The following DIP2B variants were observed in gnomAD, a reference collection of about 807,000 sequenced individuals.
DIP2B encodes DIP2 acetate--CoA ligase B (putative).
DIP2B carries 76 observed loss-of-function variants against 198.0 expected under a neutral mutation model. The observed-to-expected ratio is 0.38, with a 90% CI of 0.32 to 0.46. The LOEUF (loss-of-function observed/expected upper bound fraction) is 0.46. Ranked by LOEUF, DIP2B falls within the 20% of genes least tolerant of loss-of-function variation. The pLI is 0.99. For synonymous variants in DIP2B, 701 were observed against 739.1 expected, an observed-to-expected ratio of 0.95 and a Z score of 0.84; for missense variants, 1,559 against 1,978.4, an observed-to-expected ratio of 0.79 and a Z score of 4.02.
intron 30 of DIP2B, among the ~76,000 whole-genome samples, chr12:50,730,370 TTC>T (rs752705883): frequency 5.3e-5 from 6 of 113,998 alleles, no homozygotes; most frequent in African/African-American, 1.0e-4. Flanking sequence ...GTTTCTTTCT[TTC>T]TCTCTCTCTC....
intron 1 of DIP2B, among the ~76,000 whole-genome samples, chr12:50,553,135 C>T (rs1292194975): frequency 6.6e-6 from 1 of 152,216 alleles, no homozygotes; most frequent in East Asian, 1.9e-4. Flanking sequence ...TGCACCCGGC[C>T]TGAGTTAGTT....
At chr12:50,690,396 T>A (rs115446821) in intron 12 of DIP2B, among the ~76,000 whole-genome samples, 2,067 of 152,216 alleles carry the variant, frequency 0.014, 42 homozygotes, top group African/African-American at 0.046. Flanking sequence ...AAAATTTTTT[T>A]AAAGTTGAAC....
intron 37 of DIP2B, among the ~76,000 whole-genome samples, chr12:50,743,219 A>G (rs1297470535): frequency 6.6e-6 from 1 of 152,008 alleles, no homozygotes; most frequent in East Asian, 1.9e-4. Flanking sequence ...GGTAGCTGGG[A>G]CTACAGGCAC....
At chr12:50,565,260 G>A (rs1468450164) in intron 1 of DIP2B, among the ~76,000 whole-genome samples, 1 of 151,696 alleles carries the variant, frequency 6.6e-6, no homozygotes, top group East Asian at 1.9e-4. Flanking sequence ...GCCTCCCAAA[G>A]TGCTGGGATT....
Position 50,721,404 on chromosome 12 carries a change from T to C in DIP2B, c.3166+8T>C. ...TGTTGCTCTATCCACCTGGTAAGCA[T>C]TGGATTGGCAGACTAGAGTTTAAGC... On this transcript the variant is annotated splice_region_variant and intron_variant, in intron 26 of 37. Transcript: ENST00000301180. The C allele has an allele frequency of 1.2e-6, 2 of 1,613,822 alleles. No individual in the cohort carries two copies. The highest frequency in any genetic ancestry group is 8.5e-7 in the Non-Finnish European group (1 of 1,179,846).
At chr12:50,731,833 CT>C (rs905934892) in intron 31 of DIP2B, among the ~76,000 whole-genome samples, 23 of 152,154 alleles carry the variant, frequency 1.5e-4, no homozygotes, top group Admixed American at 5.2e-4. Context: ...GCTTCCAATA[CT>C]TTTTTTTCCT....
intron 1 of DIP2B, among the ~76,000 whole-genome samples, chr12:50,548,332 A>G (rs1350658024): frequency 6.6e-6 from 1 of 152,162 alleles, no homozygotes; most frequent in Non-Finnish European, 1.5e-5. Context: ...ATAAGGATCC[A>G]GCTAGCTACT....
intron 1 of DIP2B, among the ~76,000 whole-genome samples, chr12:50,579,399 G>A (rs1354614076): frequency 6.6e-6 from 1 of 151,392 alleles, no homozygotes; most frequent in Non-Finnish European, 1.5e-5. Flanking sequence ...GATCACTTGA[G>A]CCCAGGAGTT....
chr12:50,716,589 C>T (rs571775936), intron 23 of DIP2B, among the ~76,000 whole-genome samples: 66 of 152,312 alleles, frequency 4.3e-4, no homozygotes, highest in Admixed American at 1.4e-3. Context: ...ATTTTCCTTA[C>T]ACCCTTTACC....
At position 50,744,705 on chromosome 12, in the gene DIP2B, A is replaced by G. The variant is rs372839839; in HGVS notation, c.4597A>G (p.Ile1533Val). 1.7e-5 allele frequency: 28 copies of G among 1,614,136 alleles called. No individual in the cohort carries two copies. The highest frequency in any genetic ancestry group is 8.9e-5 in the East Asian group (4 of 44,888). The change falls in exon 38 of 38, where the codon ATC becomes GTC. Residue 1533 changes from isoleucine (I) to valine (V), a missense_variant. Physicochemically the swap from Ile to Val is conservative, Grantham distance 29. Transcript: ENST00000301180. ...CGTGGTCCTGGAAGAGCATTACCTC[A>G]TCGTTGGCGTCGTGGTTGTGGTGGA... is the stretch of plus-strand genomic sequence containing the variant. Reference protein sequence around the residue: ...TNVVLEEHYLIVGVVVVVDPG... With the variant: ...TNVVLEEHYLVVGVVVVVDPG...
intron 4 of DIP2B, among the ~76,000 whole-genome samples, chr12:50,661,632 A>G (rs1938649604): frequency 6.6e-6 from 1 of 152,136 alleles, no homozygotes. Context: ...CCTCAAACCT[A>G]CTCATTGAAA....
At chr12:50,520,305 G>A (rs1419021870) in intron 1 of DIP2B, among the ~76,000 whole-genome samples, 2 of 151,764 alleles carry the variant, frequency 1.3e-5, no homozygotes, top group African/African-American at 4.8e-5. Flanking sequence ...CAAAGTGCGG[G>A]GACTACAGGC....
chr12:50,671,264 A>T lies in DIP2B; in HGVS notation c.506A>T (p.Gln169Leu). The T allele has an allele frequency of 6.2e-7, 1 of 1,614,202 alleles. No homozygotes were observed. The highest frequency in any genetic ancestry group is 8.5e-7 in the Non-Finnish European group (1 of 1,180,032). Residue 169 changes from glutamine (Q) to leucine (L), a missense_variant, in exon 5 of 38, where the codon CAG becomes CTG. Gln to Leu is a moderately radical substitution (Grantham distance 113). Coordinates refer to ENST00000301180, the MANE Select transcript of DIP2B (RefSeq NM_173602.3). Reference protein sequence around the residue: ...ALSAALQQSLQNAESWINRSI... With the variant: ...ALSAALQQSLLNAESWINRSI... ...TCTGCTGCCTTGCAACAGAGCTTAC[A>T]GAATGCTGAGTCCTGGATCAACCGT...
chr12:50,528,230 C>CTT (rs954160858), intron 1 of DIP2B, among the ~76,000 whole-genome samples: 3 of 140,416 alleles, frequency 2.1e-5, no homozygotes, highest in Non-Finnish European at 4.7e-5. Flanking sequence ...CCTGACCCTT[C>CTT]TTTTTTTTTT....
chr12:50,683,191 T>C lies in DIP2B; in HGVS notation c.1260T>C (p.Tyr420=). Reference sequence around the variant, plus strand: ...CAGTCATGTTTATGGTGGCTTTCTATGGATGCCTCCTGGCAGAAGTGATTC... The same window carrying C: ...CAGTCATGTTTATGGTGGCTTTCTACGGATGCCTCCTGGCAGAAGTGATTC... The part of the protein sequence containing the change: ...NDPVMFMVAF[Y]GCLLAEVIPV... The change falls in exon 10 of 38, where the codon TAT becomes TAC. Residue 420 remains tyrosine, a synonymous_variant. Transcript: ENST00000301180. The C allele has an allele frequency of 6.2e-7, 1 of 1,613,282 alleles. No individual in the cohort carries two copies. Among genetic ancestry groups the C allele is most frequent in the Non-Finnish European group, 8.5e-7 (1 of 1,179,786 alleles).
chr12:50,699,702 A>C (rs1939382945), intron 19 of DIP2B, among the ~76,000 whole-genome samples: 1 of 151,982 alleles, frequency 6.6e-6, no homozygotes, highest in South Asian at 2.1e-4. Context: ...CTCTACCAAA[A>C]AATTGAAAAA....
At chr12:50,626,347 C>T (rs1937935202) in intron 2 of DIP2B, among the ~76,000 whole-genome samples, 1 of 152,030 alleles carries the variant, frequency 6.6e-6, no homozygotes, top group African/African-American at 2.4e-5. Context: ...ATGGAAAAAC[C>T]ACATCGTATT....
chr12:50,567,735 C>G lies in DIP2B; in HGVS notation c.101-58241C>G, dbSNP rs1422827886. On this transcript the variant is annotated intron_variant, in intron 1 of 37. Transcript: ENST00000301180. The stretch of plus-strand genomic sequence containing the variant: ...TAGAGATGGGGTTTCGCAGTGTTGG[C>G]CAGGCTGGTCTCGAACTCCTGACCT... Among the ~76,000 whole-genome samples, 9 of 152,142 alleles carry G rather than the reference C, an allele frequency of 5.9e-5. No individual in the cohort carries two copies. The South Asian group carries it at 1.9e-3, about 31-fold the overall frequency.
intron 1 of DIP2B, among the ~76,000 whole-genome samples, chr12:50,551,624 TG>T (rs140617108): frequency 0.013 from 2,021 of 152,220 alleles, 50 homozygotes; most frequent in African/African-American, 0.046. Context: ...TTGAATATTT[TG>T]GGGAGATAAG....
Sources: allele counts gnomAD v4.1 joint callset (sites outside exome capture counted in the v4.1 genomes callset), GRCh38; gene constraint gnomAD v4.1.1; transcripts MANE v1.5; gene names NCBI Gene and HGNC (gene_info 2026-07-23, HGNC 2026-07-21).